Variants in WDPCP observed in about 807,000 individuals in gnomAD.
The protein encoded by WDPCP is WD repeat-containing and planar cell polarity effector protein fritz homolog.
Under a neutral mutation model 93.1 loss-of-function variants are expected in WDPCP, and 71 were observed. The ratio of observed to expected loss-of-function variants is 0.76; its 90% confidence interval spans 0.63 to 0.93. The LOEUF (loss-of-function observed/expected upper bound fraction) is 0.93, where lower values mean the gene tolerates loss of function less well. Among genes scored for constraint, WDPCP ranks in the 40% least tolerant of loss-of-function variants. The pLI is 0.00. For synonymous variants in WDPCP, 315 were observed against 315.0 expected (o/e 1.00, Z 0.00); for missense variants, 844 against 887.4 (o/e 0.95, Z 0.62).
intron 9 of WDPCP, among the ~76,000 whole-genome samples, chr2:63,421,524 A>AAGAAATAGTGGTGGAAC (rs1695859494): frequency 6.6e-6 from 1 of 152,238 alleles, no homozygotes; most frequent in Non-Finnish European, 1.5e-5. Context: ...TAGTCTTCTC[A>AAGAAATAGTGGTGGAAC]AGAAATAGTG....
At chr2:63,245,294 T>C (rs1680185075) in intron 14 of WDPCP, among the ~76,000 whole-genome samples, 1 of 152,184 alleles carries the variant, frequency 6.6e-6, no homozygotes, top group South Asian at 2.1e-4. Flanking sequence ...TGTCGTTTTG[T>C]GTATTCTCTG....
chr2:63,389,964 A>T (rs193181163), intron 10 of WDPCP, among the ~76,000 whole-genome samples: 334 of 152,266 alleles, frequency 2.2e-3, no homozygotes, highest in African/African-American at 7.4e-3. Context: ...TTAACATCCC[A>T]CTGTCAATAT....
chr2:63,622,912 C>T lies in WDPCP; in HGVS notation n.488+27747G>A, dbSNP rs1709762809. On this transcript the variant is annotated intron_variant and non_coding_transcript_variant, in intron 3 of 4. Coordinates refer to the WDPCP transcript ENST00000467687. ...GAGGCACGCGGGGGCCGGGCCAGGC[C>T]GGGGCTCGGCGCACACCTGCTGCCA... 5.1e-6 allele frequency: 6 copies of T among 1,183,200 alleles called. No individual in the cohort carries two copies. The South Asian group carries it at 6.6e-5, about 13-fold the overall frequency. The allele number at this position is 1,183,200 out of a possible 1,614,324, so 73.3% of individuals were successfully genotyped here.
At chr2:63,427,433 G>T (rs1696408011) in intron 9 of WDPCP, among the ~76,000 whole-genome samples, 1 of 151,972 alleles carries the variant, frequency 6.6e-6, no homozygotes, top group South Asian at 2.1e-4. Flanking sequence ...AATACCAAAA[G>T]TTCTCCCAAA....
At chr2:63,169,952 C>A (rs1000885004) in intron 15 of WDPCP, among the ~76,000 whole-genome samples, 10 of 149,706 alleles carry the variant, frequency 6.7e-5, no homozygotes, top group Non-Finnish European at 1.5e-4. Context: ...AGTGCAGTGG[C>A]ATAATCAGGA....
chr2:63,307,874 C>T (rs1029837397), intron 13 of WDPCP, among the ~76,000 whole-genome samples: 6 of 152,076 alleles, frequency 3.9e-5, no homozygotes, highest in African/African-American at 7.2e-5. Flanking sequence ...AATTGACAAA[C>T]GGGATCTAAC....
chr2:63,760,033 G>C (rs554152501), intron 2 of WDPCP, among the ~76,000 whole-genome samples: 4 of 152,340 alleles, frequency 2.6e-5, no homozygotes, highest in African/African-American at 9.6e-5. Flanking sequence ...GGGAATAGGG[G>C]AGTGGGCAGT....
chr2:63,294,943 A>G (rs1684731387), intron 13 of WDPCP, among the ~76,000 whole-genome samples: 1 of 152,204 alleles, frequency 6.6e-6, no homozygotes, highest in African/African-American at 2.4e-5. Context: ...CATTTAAAAG[A>G]ATTATTAGTT....
intron 2 of WDPCP, among the ~76,000 whole-genome samples, chr2:63,711,824 G>T (rs1403927877): frequency 1.3e-5 from 2 of 152,208 alleles, no homozygotes; most frequent in Non-Finnish European, 2.9e-5. Context: ...AACCCTATGT[G>T]TGGTAAATTG....
chr2:63,336,341 T>G (rs1226327323), intron 12 of WDPCP, among the ~76,000 whole-genome samples: 1 of 152,192 alleles, frequency 6.6e-6, no homozygotes, highest in Admixed American at 6.5e-5. Flanking sequence ...CCAATTTAGG[T>G]GCTATTTCTT....
chr2:63,566,086 C>T (rs1707028358), intron 1 of WDPCP, among the ~76,000 whole-genome samples: 2 of 152,138 alleles, frequency 1.3e-5, no homozygotes, highest in Non-Finnish European at 2.9e-5. Flanking sequence ...TCCGAGAATT[C>T]CCATCCATTT....
intron 13 of WDPCP, among the ~76,000 whole-genome samples, chr2:63,272,247 A>G (rs769641329): frequency 5.9e-5 from 9 of 152,232 alleles, no homozygotes; most frequent in Non-Finnish European, 1.0e-4. Flanking sequence ...AATTCTGATG[A>G]CAGCCAATGA....
the WDPCP span, among the ~76,000 whole-genome samples, chr2:63,832,953 G>T: frequency 6.6e-6 from 1 of 152,184 alleles, no homozygotes; most frequent in Non-Finnish European, 1.5e-5. Flanking sequence ...AGAGTGAGAA[G>T]ATCTTTATAA....
intron 2 of WDPCP, among the ~76,000 whole-genome samples, chr2:63,718,055 T>G (rs1371319739): frequency 6.6e-6 from 1 of 152,006 alleles, no homozygotes; most frequent in African/African-American, 2.4e-5. Flanking sequence ...TAAAAATATA[T>G]ATTAAAACAT....
chr2:63,308,353 G>T (rs1685911908), intron 13 of WDPCP, among the ~76,000 whole-genome samples: 1 of 152,180 alleles, frequency 6.6e-6, no homozygotes. Context: ...CAGGGATGTA[G>T]AACTAGAAAT....
chr2:63,490,266 T>C (rs1359801262), intron 2 of WDPCP, among the ~76,000 whole-genome samples: 1 of 152,180 alleles, frequency 6.6e-6, no homozygotes, highest in Non-Finnish European at 1.5e-5. Context: ...AAGTACATCA[T>C]TGTTAATTTC....
chr2:63,450,309 G>A (rs1338317818), intron 6 of WDPCP, among the ~76,000 whole-genome samples: 2 of 152,124 alleles, frequency 1.3e-5, no homozygotes, highest in African/African-American at 4.8e-5. Context: ...CCCCATTGCT[G>A]AGCAGCACTG....
intron 2 of WDPCP, among the ~76,000 whole-genome samples, chr2:63,750,805 A>G (rs1669868173): frequency 6.6e-6 from 1 of 152,156 alleles, no homozygotes; most frequent in African/African-American, 2.4e-5. Flanking sequence ...TGTTAAACCA[A>G]TCTTACATTT....
intron 13 of WDPCP, among the ~76,000 whole-genome samples, chr2:63,267,962 G>C (rs532038802): frequency 6.6e-6 from 1 of 151,984 alleles, no homozygotes; most frequent in African/African-American, 2.4e-5. Flanking sequence ...TAGCAATTGC[G>C]CTTCTGGGTA....
Sources: allele counts gnomAD v4.1 joint callset (sites outside exome capture counted in the v4.1 genomes callset), GRCh38; gene constraint gnomAD v4.1.1; transcripts MANE v1.5; gene names NCBI Gene and HGNC (gene_info 2026-07-23, HGNC 2026-07-21).